Variants in CDH12 observed in about 807,000 individuals in gnomAD.
CDH12 encodes cadherin 12, also known as cadherin-12.
CDH12 carries 41 observed loss-of-function variants against 74.1 expected under a neutral mutation model. The ratio of observed to expected loss-of-function variants is 0.55; its 90% confidence interval spans 0.43 to 0.72. The LOEUF (loss-of-function observed/expected upper bound fraction) is 0.72, where lower values mean the gene tolerates loss of function less well. Among genes scored for constraint, CDH12 ranks in the 30% least tolerant of loss-of-function variants. The probability of loss-of-function intolerance (pLI) is 0.00; values close to 1 mark genes in which losing one functional copy is unlikely to be tolerated. For missense variants in CDH12, 945 were observed against 977.2 expected, an observed-to-expected ratio of 0.97 and a Z score of 0.44; for synonymous variants, 399 against 355.0, an observed-to-expected ratio of 1.12 and a Z score of -1.39.
intron 3 of CDH12, among the ~76,000 whole-genome samples, chr5:22,241,799 C>A (rs1580438845): frequency 1.3e-5 from 2 of 151,824 alleles, no homozygotes; most frequent in South Asian, 4.2e-4. Flanking sequence ...TAATTCCAAC[C>A]AAATTTATTT....
chr5:22,687,665 T>G (rs1741883019), intron 1 of CDH12, among the ~76,000 whole-genome samples: 1 of 152,180 alleles, frequency 6.6e-6, no homozygotes, highest in African/African-American at 2.4e-5. Flanking sequence ...CCCACCTGCC[T>G]CAGCCTCCCA....
intron 4 of CDH12, among the ~76,000 whole-genome samples, chr5:22,173,354 T>A (rs1395932261): frequency 6.8e-6 from 1 of 146,754 alleles, no homozygotes; most frequent in Non-Finnish European, 1.5e-5. Flanking sequence ...ATTTATGAAA[T>A]TTATATAATT....
At chr5:22,071,792 T>G (rs1360048141) in intron 5 of CDH12, among the ~76,000 whole-genome samples, 1 of 152,142 alleles carries the variant, frequency 6.6e-6, no homozygotes, top group Admixed American at 6.6e-5. Context: ...CAACACCAAT[T>G]ATTTCATTTC....
At chr5:22,722,804 T>C (rs1743967429) in intron 1 of CDH12, among the ~76,000 whole-genome samples, 1 of 152,170 alleles carries the variant, frequency 6.6e-6, no homozygotes, top group Non-Finnish European at 1.5e-5. Flanking sequence ...AAATAACTGC[T>C]CTCTAAAGGA....
At chr5:21,808,917 C>T (rs1026306575) in intron 9 of CDH12, among the ~76,000 whole-genome samples, 14 of 151,796 alleles carry the variant, frequency 9.2e-5, no homozygotes, top group South Asian at 6.2e-4. Flanking sequence ...AGTTTTAAAA[C>T]GTAGATTTTA....
intron 4 of CDH12, among the ~76,000 whole-genome samples, chr5:22,197,794 T>C (rs1300097839): frequency 6.6e-6 from 1 of 152,138 alleles, no homozygotes; most frequent in African/African-American, 2.4e-5. Context: ...AAATCATTAC[T>C]GTTAATATTT....
intron 1 of CDH12, among the ~76,000 whole-genome samples, chr5:22,622,639 G>C (rs9293024): frequency 0.15 from 22,520 of 152,098 alleles, 2,169 homozygotes; most frequent in Admixed American, 0.33. Context: ...TTGAATCCCT[G>C]AATAGACCAA....
intron 1 of CDH12, among the ~76,000 whole-genome samples, chr5:22,763,237 A>G (rs985903485): frequency 6.6e-6 from 1 of 151,946 alleles, no homozygotes; most frequent in Non-Finnish European, 1.5e-5. Context: ...TCTACAAAAT[A>G]ATAAAAATCT....
At chr5:22,831,338 G>C (rs1056114083) in intron 1 of CDH12, among the ~76,000 whole-genome samples, 2 of 145,180 alleles carry the variant, frequency 1.4e-5, no homozygotes, top group East Asian at 4.1e-4. Flanking sequence ...AAGGAAGGTA[G>C]GGGTTTTGGA....
chr5:22,467,746 T>C (rs962580833), intron 2 of CDH12, among the ~76,000 whole-genome samples: 1 of 152,232 alleles, frequency 6.6e-6, no homozygotes, highest in Non-Finnish European at 1.5e-5. Context: ...TGACTAAATA[T>C]AACCAGTCTG....
intron 8 of CDH12, among the ~76,000 whole-genome samples, chr5:21,836,179 TAA>T (rs1749521794): frequency 6.6e-6 from 1 of 151,778 alleles, no homozygotes; most frequent in African/African-American, 2.4e-5. Flanking sequence ...GTTAACAAGT[TAA>T]AAAACTATGA....
At chr5:22,320,646 T>C (rs997670374) in intron 3 of CDH12, among the ~76,000 whole-genome samples, 1 of 152,188 alleles carries the variant, frequency 6.6e-6, no homozygotes, top group Non-Finnish European at 1.5e-5. Context: ...GTATTTAACT[T>C]CATATCAGAA....
chr5:22,757,029 C>G (rs1393880787), intron 1 of CDH12, among the ~76,000 whole-genome samples: 1 of 151,988 alleles, frequency 6.6e-6, no homozygotes, highest in Non-Finnish European at 1.5e-5. Flanking sequence ...TTTCTAATAT[C>G]TACCCTCTAC....
intron 1 of CDH12, among the ~76,000 whole-genome samples, chr5:22,827,876 A>G (rs1480527892): frequency 1.3e-5 from 2 of 151,904 alleles, no homozygotes; most frequent in African/African-American, 4.9e-5. Context: ...AATAATACTA[A>G]TTTTATTCTG....
At chr5:22,621,407 T>A (rs775951881) in intron 1 of CDH12, among the ~76,000 whole-genome samples, 1 of 152,150 alleles carries the variant, frequency 6.6e-6, no homozygotes, top group Non-Finnish European at 1.5e-5. Flanking sequence ...ACTATTAGAC[T>A]TATAAATGCC....
intron 4 of CDH12, among the ~76,000 whole-genome samples, chr5:22,187,120 C>T (rs1325782410): frequency 2.6e-5 from 4 of 152,124 alleles, no homozygotes; most frequent in African/African-American, 9.7e-5. Context: ...AATAAGTGCA[C>T]GTGGTTTGCA....
At chr5:21,924,607 A>C (rs913930542) in intron 6 of CDH12, among the ~76,000 whole-genome samples, 2 of 152,226 alleles carry the variant, frequency 1.3e-5, no homozygotes, top group African/African-American at 2.4e-5. Flanking sequence ...AGTTCTAGTA[A>C]GTCTCAAAAC....
intron 5 of CDH12, among the ~76,000 whole-genome samples, chr5:22,010,326 T>C (rs1009864681): frequency 6.6e-6 from 1 of 152,196 alleles, no homozygotes; most frequent in Non-Finnish European, 1.5e-5. Flanking sequence ...CAATATCTTC[T>C]TACTTTTCCT....
chr5:21,751,531 C>T lies in CDH12; in HGVS notation c.*206G>A, dbSNP rs1744049153. On this transcript the variant is annotated 3_prime_UTR_variant, in exon 15 of 15. Coordinates refer to ENST00000382254, the MANE Select transcript of CDH12 (RefSeq NM_004061.5). ...CATTATAGGATGTATCTCTTGTTGG[C>T]AGAATAAACCAAAACTGACAATATG... 3.6e-6 allele frequency: 2 copies of T among 556,192 alleles called. No homozygotes were observed. Among genetic ancestry groups the T allele is most frequent in the Non-Finnish European group, 3.2e-6 (1 of 315,054 alleles). 34.5% of individuals were successfully genotyped at this position (556,192 alleles called of 1,614,324 possible).
Sources: allele counts gnomAD v4.1 joint callset (sites outside exome capture counted in the v4.1 genomes callset), GRCh38; gene constraint gnomAD v4.1.1; transcripts MANE v1.5; gene names NCBI Gene and HGNC (gene_info 2026-07-23, HGNC 2026-07-21).